ARPP21: variants seen among roughly 807,000 people sequenced by gnomAD.
ARPP21 encodes cAMP-regulated phosphoprotein 21.
In ARPP21, 69 loss-of-function variants were observed where a neutral mutation model predicts 113.2. The observed-to-expected ratio is 0.61, with a 90% confidence interval of 0.50 to 0.74. ARPP21 has a LOEUF of 0.74. ARPP21 is among the 30% of genes least tolerant of loss of function. The probability of loss-of-function intolerance (pLI) is 0.00; values close to 1 mark genes in which losing one functional copy is unlikely to be tolerated. For synonymous variants in ARPP21, 368 were observed against 375.5 expected (o/e 0.98, Z 0.23); for missense variants, 1,070 against 1,037.4 (o/e 1.03, Z -0.43).
intron 9 of ARPP21, among the ~76,000 whole-genome samples, chr3:35,692,545 T>G (rs888215165): frequency 6.6e-6 from 1 of 151,714 alleles, no homozygotes; most frequent in Non-Finnish European, 1.5e-5. Flanking sequence ...ATAGTTCAAG[T>G]ATATTAAATG....
At position 35,748,284 on chromosome 3, in the gene ARPP21, GAGGA is replaced by G. The variant is rs200253468; in HGVS notation, c.2137+4334_2137+4337del. On this transcript the variant is annotated intron_variant, in intron 19 of 20. Transcript: ENST00000684406. ...AAGGAGAGAGAGAAAGAAAGAAAAGGAGGAAGGAAGGAAGGAAGAAAGAAAGAAA... is the reference window on the plus strand; with the variant it reads ...AAGGAGAGAGAGAAAGAAAGAAAAGGAGGAAGGAAGGAAGAAAGAAAGAAA... Among the ~76,000 whole-genome samples, 886 of 116,352 alleles carry G rather than the reference GAGGA, an allele frequency of 7.6e-3. 6 individuals carry two copies. Among genetic ancestry groups the G allele is most frequent in the African/African-American group, 0.025 (733 of 29,202 alleles). 76.3% of individuals were successfully genotyped at this position (116,352 alleles called of 152,430 possible). A position where few individuals can be genotyped will look rare whatever the true frequency, so the allele number is the denominator to read the frequency against.
intron 19 of ARPP21, among the ~76,000 whole-genome samples, chr3:35,770,205 T>C (rs1414770811): frequency 1.3e-5 from 2 of 152,236 alleles, no homozygotes; most frequent in Admixed American, 1.3e-4. Context: ...ACTATGCTTC[T>C]AAATTATCTT....
intron 19 of ARPP21, among the ~76,000 whole-genome samples, chr3:35,778,271 A>G (rs1037750490): frequency 6.6e-6 from 1 of 152,164 alleles, no homozygotes; most frequent in Non-Finnish European, 1.5e-5. Flanking sequence ...ACACATAGCC[A>G]TTCTCTATCC....
At chr3:35,778,382 G>A (rs573703038) in intron 19 of ARPP21, among the ~76,000 whole-genome samples, 6 of 151,308 alleles carry the variant, frequency 4.0e-5, no homozygotes, top group African/African-American at 1.4e-4. Flanking sequence ...GAGATCAAAG[G>A]GCAGAGGGAG....
chr3:35,687,194 C>T (rs907998513), intron 5 of ARPP21, among the ~76,000 whole-genome samples: 2 of 151,180 alleles, frequency 1.3e-5, no homozygotes, highest in Non-Finnish European at 3.0e-5. Context: ...CTATAGTCTG[C>T]TTTTTCATAG....
intron 20 of ARPP21, among the ~76,000 whole-genome samples, chr3:35,793,117 C>T (rs1327906538): frequency 6.6e-6 from 1 of 152,058 alleles, no homozygotes; most frequent in African/African-American, 2.4e-5. Context: ...TTAACTGTAC[C>T]AGGTGCTTCT....
intron 9 of ARPP21, among the ~76,000 whole-genome samples, chr3:35,692,483 A>G (rs939522521): frequency 6.6e-6 from 1 of 151,548 alleles, no homozygotes; most frequent in Non-Finnish European, 1.5e-5. Context: ...CTTCCTTTTA[A>G]TTTTTTTCTT....
chr3:35,687,223 A>T (rs1037847731), intron 5 of ARPP21, among the ~76,000 whole-genome samples: 3 of 151,300 alleles, frequency 2.0e-5, no homozygotes, highest in African/African-American at 7.3e-5. Context: ...ATCATTGTTG[A>T]CCTGGGTCTA....
intron 5 of ARPP21, among the ~76,000 whole-genome samples, chr3:35,687,166 C>A (rs2080869205): frequency 6.6e-6 from 1 of 151,132 alleles, no homozygotes; most frequent in Non-Finnish European, 1.5e-5. Flanking sequence ...TAAGTTTATA[C>A]CTAGAATTCC....
chr3:35,659,675 A>G (rs1706762652), intron 1 of ARPP21, among the ~76,000 whole-genome samples: 1 of 152,154 alleles, frequency 6.6e-6, no homozygotes, highest in South Asian at 2.1e-4. Context: ...TGGGCGGTAG[A>G]GAGCTAGGAG....
chr3:35,760,669 A>T (rs78275531), intron 19 of ARPP21, among the ~76,000 whole-genome samples: 1 of 152,040 alleles, frequency 6.6e-6, no homozygotes, highest in South Asian at 2.1e-4. Context: ...ACCAAACTGA[A>T]ACTTTAAAGA....
intron 4 of ARPP21, 51 bp downstream of exon 4, chr3:35,682,940 A>G (rs1304202758): frequency 6.8e-6 from 10 of 1,476,444 alleles, no homozygotes; most frequent in Non-Finnish European, 8.3e-6. Context: ...TATAAATTAC[A>G]TATTTTACAT....
chr3:35,681,929 C>A lies in ARPP21; in HGVS notation c.129+49C>A, dbSNP rs751605432. ...GACTCTCATACAACTGTGTGCAGCT[C>A]CCTTCTTTTATTTTCAGAATACTTT... On this transcript the variant is annotated intron_variant, in intron 3 of 20. Coordinates refer to ENST00000684406, the MANE Select transcript of ARPP21 (RefSeq NM_001385562.1). 27 of 1,564,040 alleles carry A rather than the reference C, an allele frequency of 1.7e-5. No homozygotes were observed. The Admixed American group carries it at 2.5e-4, about 14-fold the overall frequency.
intron 19 of ARPP21, among the ~76,000 whole-genome samples, chr3:35,747,528 T>C (rs748358225): frequency 3.9e-5 from 6 of 152,182 alleles, no homozygotes; most frequent in Admixed American, 6.5e-5. Context: ...CAATCTGGCA[T>C]TATCAGGTAC....
rs932117826 is a variant in ARPP21 at position 35,639,939 on chromosome 3, G to C, written c.-672G>C. 2 of 152,434 alleles carry C rather than the reference G, an allele frequency of 1.3e-5. No individual in the cohort carries two copies. Among genetic ancestry groups the C allele is most frequent in the African/African-American group, 4.8e-5 (2 of 41,582 alleles). 9.4% of individuals were successfully genotyped at this position (152,434 alleles called of 1,614,324 possible). A position where few individuals can be genotyped will look rare whatever the true frequency, so the allele number is the denominator to read the frequency against. ...CAGCAAAGCGAGAATCCCGCGCCGA[G>C]CTGCTAGTCGGACCCACAGACGGTC... On this transcript the variant is annotated 5_prime_UTR_variant, in exon 1 of 21. Coordinates refer to ENST00000684406, the MANE Select transcript of ARPP21 (RefSeq NM_001385562.1). This position sits in a 1 kb window ranked among gnomAD's most constrained non-coding sequence, Gnocchi z 5.0.
intron 9 of ARPP21, among the ~76,000 whole-genome samples, chr3:35,691,933 T>C (rs575578685): frequency 6.6e-6 from 1 of 151,652 alleles, no homozygotes; most frequent in Non-Finnish European, 1.5e-5. Flanking sequence ...ATGGTTAAAA[T>C]ACTCTATATT....
intron 1 of ARPP21, chr3:35,679,557 C>T (rs2078349343): frequency 6.6e-6 from 1 of 150,862 alleles, no homozygotes; most frequent in Admixed American, 6.6e-5. Context: ...GTGCATAATG[C>T]AATTGTTAAT....
rs140886439 is a variant in ARPP21 at position 35,697,065 on chromosome 3, G to T, written c.686+6060G>T. On this transcript the variant is annotated intron_variant, in intron 9 of 20. Coordinates refer to ENST00000684406, the MANE Select transcript of ARPP21 (RefSeq NM_001385562.1). ...TTCCAAAAAGCCAAGATCAGCCACA[G>T]GCAATGAGAATCCCATGTATTATCT... 2.6e-4 allele frequency among the ~76,000 whole-genome samples: 39 copies of T among 151,692 alleles called. No individual in the cohort carries two copies. The Middle Eastern group carries it at 0.01, about 40-fold the overall frequency.
chr3:35,645,664 T>C (rs564403474), intron 1 of ARPP21, among the ~76,000 whole-genome samples: 147 of 152,112 alleles, frequency 9.7e-4, no homozygotes, highest in African/African-American at 2.3e-3. Context: ...CTGGAACTCT[T>C]AATAATGGAT....
Sources: gnomAD v4.1 joint callset for allele counts (sites outside exome capture counted in the v4.1 genomes callset) on GRCh38, gnomAD v4.1.1 for gene constraint, Gnocchi (gnomAD v3.1) non-coding constraint, MANE v1.5 for transcripts, NCBI Gene and HGNC (gene_info 2026-07-23, HGNC 2026-07-21) for gene names.